The following WIPF3 variants were observed in gnomAD, a reference collection of about 807,000 sequenced individuals.
WIPF3 encodes the protein WAS/WASL-interacting protein family member 3.
Under a neutral mutation model 38.9 loss-of-function variants are expected in WIPF3, and 33 were observed. The ratio of observed to expected loss-of-function variants is 0.85; its 90% CI spans 0.64 to 1.14. The LOEUF is 1.14. WIPF3 is among the 50% of genes most tolerant of loss of function. The pLI is 0.00. For missense variants in WIPF3, 711 were observed against 652.5 expected, an observed-to-expected ratio of 1.09 and a Z score of -0.98; for synonymous variants, 324 against 269.3, an observed-to-expected ratio of 1.20 and a Z score of -1.99.
intron 1 of WIPF3, among the ~76,000 whole-genome samples, chr7:29,831,365 G>C (rs1220071081): frequency 6.6e-6 from 1 of 152,210 alleles, no homozygotes; most frequent in East Asian, 1.9e-4. Flanking sequence ...TGGTGAGGAA[G>C]ACCTTTACTC....
Position 29,884,264 on chromosome 7 carries a change from T to TTGCCCCCCACC in WIPF3, c.770_771insTGCCCCCCACC (p.Pro258AlafsTer120). 1 of 1,315,280 alleles carries TTGCCCCCCACC rather than the reference T, an allele frequency of 7.6e-7. No homozygotes were observed. Among genetic ancestry groups the TTGCCCCCCACC allele is most frequent in the Non-Finnish European group, 1.0e-6 (1 of 992,704 alleles). 81.5% of individuals were successfully genotyped at this position (1,315,280 alleles called of 1,614,324 possible). A position where few individuals can be genotyped will look rare whatever the true frequency, so the allele number is the denominator to read the frequency against. ...AAGCCTCAGCTGGCTCCCTTGCACC[T>TTGCCCCCCACC]CCCGCCCATCCCGCCCCCGCTCCCT... On this transcript the variant is annotated frameshift_variant, in exon 5 of 9. Coordinates refer to ENST00000242140, the MANE Select transcript of WIPF3 (RefSeq NM_001080529.3). LOFTEE classifies it high-confidence loss of function.
rs143829385 is a variant in WIPF3 at position 29,912,665 on chromosome 7, C to A, written c.1429-1828C>A. The A allele has an allele frequency of 1.9e-4, 35 of 185,834 alleles. 1 individual carries two copies. The East Asian group carries it at 4.3e-3, about 23-fold the overall frequency. The allele number at this position is 185,834 out of a possible 1,614,324, so 11.5% of individuals were successfully genotyped here. On this transcript the variant is annotated intron_variant, in intron 8 of 8. Coordinates refer to ENST00000242140, the MANE Select transcript of WIPF3 (RefSeq NM_001080529.3). ...GGAAAAATAAAGTAAAATGTAGAAGCAACTCAAGTATCATAGATAGATGAA... is the reference window on the plus strand; with the variant it reads ...GGAAAAATAAAGTAAAATGTAGAAGAAACTCAAGTATCATAGATAGATGAA...
At chr7:29,810,071 C>T (rs1412493810) in intron 1 of WIPF3, among the ~76,000 whole-genome samples, 6 of 152,132 alleles carry the variant, frequency 3.9e-5, no homozygotes, top group Non-Finnish European at 8.8e-5. Context: ...GAGCAAGGTG[C>T]CCAGGTTGCC....
intron 1 of WIPF3, among the ~76,000 whole-genome samples, chr7:29,824,772 G>GCTGCCTCAGGAAGGAAT (rs1361260456): frequency 6.6e-6 from 1 of 152,108 alleles, no homozygotes; most frequent in African/African-American, 2.4e-5. Flanking sequence ...TGATGTGCCG[G>GCTGCCTCAGGAAGGAAT]CTGCCTCAGG....
At chr7:29,895,514 C>T (rs945131334) in intron 7 of WIPF3, among the ~76,000 whole-genome samples, 2 of 152,206 alleles carry the variant, frequency 1.3e-5, no homozygotes, top group African/African-American at 2.4e-5. Flanking sequence ...TACATTGCTA[C>T]AACATGGATA....
chr7:29,884,054 C>G lies in WIPF3; in HGVS notation c.560C>G (p.Pro187Arg), dbSNP rs1480020975. ...CCACCCCCTCCGCCTCCACCCTTAC[C>G]CCCGCCCCTTCCCTCTTCCTCCCCC... is the stretch of plus-strand genomic sequence containing the variant. ...PTPPPPPPPL[P>R]PPLPSSSPIK... Residue 187 changes from proline (P) to arginine (R), a missense_variant, in exon 5 of 9, where the codon CCC (proline) becomes CGC (arginine). Pro to Arg is a moderately radical substitution (Grantham distance 103, BLOSUM62 -2). Coordinates refer to ENST00000242140, the MANE Select transcript of WIPF3 (RefSeq NM_001080529.3). The G allele has an allele frequency of 1.4e-6, 2 of 1,416,444 alleles. No individual in the cohort carries two copies. Among genetic ancestry groups the G allele is most frequent in the African/African-American group, 1.5e-5 (1 of 66,022 alleles). The allele number at this position is 1,416,444 out of a possible 1,614,324, so 87.7% of individuals were successfully genotyped here. A position where few individuals can be genotyped will look rare whatever the true frequency, so the allele number is the denominator to read the frequency against.
intron 2 of WIPF3, among the ~76,000 whole-genome samples, chr7:29,845,249 G>A (rs1784981472): frequency 1.3e-5 from 2 of 152,216 alleles, no homozygotes. Flanking sequence ...ACAGCTAATG[G>A]CAGATGAGCT....
At chr7:29,857,431 C>T (rs760700025) in intron 2 of WIPF3, among the ~76,000 whole-genome samples, 9 of 152,026 alleles carry the variant, frequency 5.9e-5, no homozygotes, top group Non-Finnish European at 1.2e-4. Context: ...GTGATTTTCC[C>T]GCAGAGTTTT....
chr7:29,812,736 G>T (rs1341430913), intron 1 of WIPF3, among the ~76,000 whole-genome samples: 1 of 152,186 alleles, frequency 6.6e-6, no homozygotes, highest in Non-Finnish European at 1.5e-5. Context: ...CTGTGAGGAA[G>T]AAGAGGGAAT....
chr7:29,911,666 A>C (rs1786508054), intron 8 of WIPF3, among the ~76,000 whole-genome samples: 1 of 152,316 alleles, frequency 6.6e-6, no homozygotes, highest in African/African-American at 2.4e-5. Context: ...AAGGGTGCCA[A>C]GACCATTCAA....
At chr7:29,808,426 G>A (rs1784320978) in intron 1 of WIPF3, among the ~76,000 whole-genome samples, 1 of 152,156 alleles carries the variant, frequency 6.6e-6, no homozygotes, top group Non-Finnish European at 1.5e-5. Flanking sequence ...TTACAGATGA[G>A]AAAATAAAAG....
intron 4 of WIPF3, among the ~76,000 whole-genome samples, chr7:29,881,945 C>T (rs1785727266): frequency 6.6e-6 from 1 of 152,208 alleles, no homozygotes; most frequent in Non-Finnish European, 1.5e-5. Context: ...TCCCTTACTT[C>T]CTTCAACTCC....
At chr7:29,836,218 G>C (rs963604395) in intron 2 of WIPF3, among the ~76,000 whole-genome samples, 6 of 152,218 alleles carry the variant, frequency 3.9e-5, no homozygotes, top group Non-Finnish European at 8.8e-5. Flanking sequence ...GCCACAAAGT[G>C]ATGGTTTGTA....
intron 2 of WIPF3, among the ~76,000 whole-genome samples, chr7:29,843,211 A>G (rs1226430552): frequency 6.6e-6 from 1 of 152,214 alleles, no homozygotes; most frequent in Non-Finnish European, 1.5e-5. Context: ...TCTGGAAGAG[A>G]AAGAGGTGTG....
At chr7:29,828,661 G>A (rs1316573817) in intron 1 of WIPF3, among the ~76,000 whole-genome samples, 1 of 152,186 alleles carries the variant, frequency 6.6e-6, no homozygotes, top group Admixed American at 6.5e-5. Context: ...TGCTGAGAGG[G>A]GCTCCTACTG....
At chr7:29,837,138 G>C (rs923682714) in intron 2 of WIPF3, among the ~76,000 whole-genome samples, 1 of 152,164 alleles carries the variant, frequency 6.6e-6, no homozygotes. Flanking sequence ...AGTGGATCAC[G>C]AGGTCAGGAG....
rs144020435 is a variant in WIPF3, at chr7:29,878,934, A to T, written c.224-75A>T. 1 of 1,514,426 alleles carries T rather than the reference A, an allele frequency of 6.6e-7. No individual in the cohort carries two copies. Among genetic ancestry groups the T allele is most frequent in the East Asian group, 2.4e-5 (1 of 41,108 alleles). 93.8% of individuals were successfully genotyped at this position (1,514,426 alleles called of 1,614,324 possible). ...AAGGGCAGTGGTAGACCAGTGTTAG[A>T]CCATGGTCTGAAATGAGACCTGGCT... On this transcript the variant is annotated intron_variant, in intron 3 of 8. Coordinates refer to ENST00000242140, the MANE Select transcript of WIPF3 (RefSeq NM_001080529.3). The surrounding 1 kb of genome is among the most constrained non-coding windows in gnomAD (Gnocchi z 4.0).
At chr7:29,820,968 T>C (rs1784528834) in intron 1 of WIPF3, among the ~76,000 whole-genome samples, 1 of 152,230 alleles carries the variant, frequency 6.6e-6, no homozygotes, top group African/African-American at 2.4e-5. Flanking sequence ...TCCTTTCCGA[T>C]AGCGTATTTC....
chr7:29,901,168 C>A (rs1009746510), intron 7 of WIPF3, among the ~76,000 whole-genome samples: 9 of 152,056 alleles, frequency 5.9e-5, no homozygotes, highest in African/African-American at 2.2e-4. Flanking sequence ...GTTACAGTAT[C>A]CCAAGTGTGA....
Sources: gnomAD v4.1 joint callset for allele counts (sites outside exome capture counted in the v4.1 genomes callset) on GRCh38, gnomAD v4.1.1 for gene constraint, Gnocchi (gnomAD v3.1) non-coding constraint, MANE v1.5 for transcripts, NCBI Gene and HGNC (gene_info 2026-07-23, HGNC 2026-07-21) for gene names.